Variants in CPNE3 observed in about 807,000 individuals in gnomAD.
The protein encoded by CPNE3 is copine 3.
CPNE3 carries 68 observed loss-of-function variants against 63.9 expected under a neutral mutation model. The observed-to-expected ratio is 1.06, with a 90% CI of 0.87 to 1.30. CPNE3 has a LOEUF of 1.30. CPNE3 is among the 50% of genes most tolerant of loss of function. The probability of loss-of-function intolerance (pLI) is 0.00; values close to 1 mark genes in which losing one functional copy is unlikely to be tolerated. For missense variants in CPNE3, 665 were observed against 578.1 expected (o/e 1.15, Z -1.54); for synonymous variants, 219 against 197.5 (o/e 1.11, Z -0.91).
At chr8:86,516,044 T>G (rs183615026) in intron 2 of CPNE3, among the ~76,000 whole-genome samples, 7 of 152,344 alleles carry the variant, frequency 4.6e-5, no homozygotes, top group African/African-American at 1.7e-4. Context: ...GCGAGAATTA[T>G]TAATAGGTCA....
intron 9 of CPNE3, 158 bp downstream of exon 9, chr8:86,544,996 ATACTTGGGGCATGAAT>A (rs1397863315): frequency 2.6e-6 from 1 of 383,844 alleles, no homozygotes; most frequent in African/African-American, 2.1e-5. Context: ...TCCACAATTC[ATACTTGGGGCATGAAT>A]TTTATTGAGC....
chr8:86,516,401 A>G (rs2131413273), intron 2 of CPNE3, among the ~76,000 whole-genome samples: 1 of 152,254 alleles, frequency 6.6e-6, no homozygotes, highest in East Asian at 1.9e-4. Flanking sequence ...ATTTTCATAT[A>G]AGTTTATGGC....
At position 86,537,568 on chromosome 8, in the gene CPNE3, A is replaced by T; in HGVS notation, c.465A>T (p.Leu155=). 2 of 1,593,428 alleles carry T rather than the reference A, an allele frequency of 1.3e-6. No homozygotes were observed. The highest frequency in any genetic ancestry group is 1.1e-5 in the South Asian group (1 of 90,726). The change falls in exon 7 of 17, where the codon CTA becomes CTT. Residue 155 remains leucine, a synonymous_variant. Coordinates refer to ENST00000517490, the MANE Select transcript of CPNE3 (RefSeq NM_003909.5). ...GTTGTTTGTTTTAAATGTAGGATCT[A>T]TTTGGAAAGTCAGACCCATACCTGG... ...MEARKLDNKD[L]FGKSDPYLEF...
intron 2 of CPNE3, among the ~76,000 whole-genome samples, chr8:86,527,189 A>T (rs921546372): frequency 3.9e-5 from 6 of 152,146 alleles, no homozygotes; most frequent in African/African-American, 7.2e-5. Context: ...CATTGCAAGG[A>T]TGTTTGCCAG....
At position 86,528,078 on chromosome 8, in the gene CPNE3, A is replaced by G. The variant is rs1387018721; in HGVS notation, c.-10-458A>G. Among the ~76,000 whole-genome samples, 3 of 148,548 alleles carry G rather than the reference A, an allele frequency of 2.0e-5. No individual in the cohort carries two copies. The Admixed American group carries it at 2.1e-4, about 10-fold the overall frequency. On this transcript the variant is annotated intron_variant, in intron 2 of 16. Transcript: ENST00000517490. ...ATCCTCTTGCCTCAGCCTTCCTAGTAGCTGGGATTATAGGCACACACCACC... is the reference window on the plus strand; with the variant it reads ...ATCCTCTTGCCTCAGCCTTCCTAGTGGCTGGGATTATAGGCACACACCACC...
At chr8:86,556,836 C>T (rs1403240225) in intron 16 of CPNE3, among the ~76,000 whole-genome samples, 1 of 152,168 alleles carries the variant, frequency 6.6e-6, no homozygotes, top group African/African-American at 2.4e-5. Context: ...CCTTCCTTAA[C>T]CTTGGAAACC....
In CPNE3 at chr8:86,546,552, T is replaced by C. The variant is rs1821054310; in HGVS notation, c.733-43T>C. ...TTTAAAGTCACATTGGCATTTCTAA[T>C]ATTGCTAATAAAAAGTAACATTTTT... On this transcript the variant is annotated intron_variant, in intron 9 of 16. Coordinates refer to ENST00000517490, the MANE Select transcript of CPNE3 (RefSeq NM_003909.5). The C allele has an allele frequency of 3.2e-6, 5 of 1,583,304 alleles. No homozygotes were observed. The African/African-American group carries it at 6.8e-5, about 22-fold the overall frequency.
chr8:86,531,850 A>G (rs944732488), intron 5 of CPNE3, among the ~76,000 whole-genome samples: 1 of 152,184 alleles, frequency 6.6e-6, no homozygotes, highest in Non-Finnish European at 1.5e-5. Flanking sequence ...GCCTGGAGTG[A>G]TAGTATTTTA....
chr8:86,524,390 G>C (rs771432823), intron 2 of CPNE3, among the ~76,000 whole-genome samples: 3 of 152,092 alleles, frequency 2.0e-5, no homozygotes, highest in Admixed American at 6.5e-5. Flanking sequence ...GATTCAGAAC[G>C]TTAGGGTGAC....
At chr8:86,523,078 C>CA (rs1234855209) in intron 2 of CPNE3, among the ~76,000 whole-genome samples, 1 of 152,186 alleles carries the variant, frequency 6.6e-6, no homozygotes, top group Non-Finnish European at 1.5e-5. Flanking sequence ...TATGCTGAGA[C>CA]AATCAATTAA....
chr8:86,557,681 T>C (rs1821352361), intron 16 of CPNE3, among the ~76,000 whole-genome samples: 2 of 152,118 alleles, frequency 1.3e-5, no homozygotes, highest in Admixed American at 6.5e-5. Context: ...TGTATCTCAA[T>C]TGTGGTGGTG....
chr8:86,527,142 T>A (rs535747341), intron 2 of CPNE3, among the ~76,000 whole-genome samples: 16 of 152,282 alleles, frequency 1.1e-4, no homozygotes, highest in Admixed American at 6.5e-4. Context: ...TTCAGCTAAA[T>A]CTCAAAGTGG....
chr8:86,538,391 T>C (rs539968064), intron 7 of CPNE3, among the ~76,000 whole-genome samples: 1 of 152,176 alleles, frequency 6.6e-6, no homozygotes, highest in South Asian at 2.1e-4. Context: ...AATAAATAAA[T>C]AAATGCTACA....
chr8:86,530,122 T>G (rs1292334756), intron 4 of CPNE3, among the ~76,000 whole-genome samples: 1 of 152,046 alleles, frequency 6.6e-6, no homozygotes, highest in Non-Finnish European at 1.5e-5. Context: ...ATATGACATT[T>G]TTGGGGAGTT....
chr8:86,556,934 T>C (rs1328262258), intron 16 of CPNE3, among the ~76,000 whole-genome samples: 1 of 152,210 alleles, frequency 6.6e-6, no homozygotes, highest in East Asian at 1.9e-4. Context: ...CCTTTTGGGA[T>C]TGGCTTTTTT....
chr8:86,543,711 A>G (rs995625699), intron 8 of CPNE3, among the ~76,000 whole-genome samples: 17 of 152,168 alleles, frequency 1.1e-4, no homozygotes, highest in African/African-American at 4.1e-4. Flanking sequence ...AATGGGCATC[A>G]TAGTAACAGG....
chr8:86,555,604 T>C (rs1821305806), intron 15 of CPNE3, among the ~76,000 whole-genome samples: 1 of 152,224 alleles, frequency 6.6e-6, no homozygotes, highest in African/African-American at 2.4e-5. Flanking sequence ...TACTGCTCTC[T>C]GAAAAGGTTT....
At chr8:86,524,109 A>G (rs1328478140) in intron 2 of CPNE3, among the ~76,000 whole-genome samples, 1 of 152,230 alleles carries the variant, frequency 6.6e-6, no homozygotes, top group South Asian at 2.1e-4. Context: ...ACCTGAAGTT[A>G]GGGTTGTGAC....
intron 8 of CPNE3, among the ~76,000 whole-genome samples, chr8:86,542,674 A>G (rs1490479060): frequency 6.6e-6 from 1 of 151,994 alleles, no homozygotes; most frequent in Non-Finnish European, 1.5e-5. Flanking sequence ...TTAAAAAGCC[A>G]ATAATACTGG....
Sources: gnomAD v4.1 joint callset for allele counts (sites outside exome capture counted in the v4.1 genomes callset) on GRCh38, gnomAD v4.1.1 for gene constraint, MANE v1.5 for transcripts, NCBI Gene and HGNC (gene_info 2026-07-23, HGNC 2026-07-21) for gene names.